Variants in STXBP6 observed in about 807,000 individuals in gnomAD.
STXBP6 encodes syntaxin binding protein 6, also known as syntaxin-binding protein 6.
Under a neutral mutation model 26.9 loss-of-function variants are expected in STXBP6, and 21 were observed. The observed-to-expected ratio is 0.78, with a 90% CI of 0.55 to 1.12. STXBP6 has a LOEUF of 1.12. STXBP6 is among the 50% of genes most tolerant of loss of function. STXBP6 has a pLI of 0.00. For missense variants in STXBP6, 232 were observed against 257.9 expected, an observed-to-expected ratio of 0.90 and a Z score of 0.69; for synonymous variants, 97 against 92.6, an observed-to-expected ratio of 1.05 and a Z score of -0.27.
chr14:24,924,868 A>C (rs2072107345), intron 2 of STXBP6, among the ~76,000 whole-genome samples: 1 of 152,216 alleles, frequency 6.6e-6, no homozygotes, highest in Non-Finnish European at 1.5e-5. Flanking sequence ...AGATAAGTTC[A>C]GGAAATTATC....
At chr14:24,819,375 A>G (rs1032740095) in intron 4 of STXBP6, 181 bp from the exon 5 acceptor site, 41 of 684,106 alleles carry the variant, frequency 6.0e-5, no homozygotes, top group Non-Finnish European at 1.0e-4. Context: ...CACTTGCAGC[A>G]AGAACACCCA....
At chr14:24,929,327 G>A (rs373808819) in intron 2 of STXBP6, among the ~76,000 whole-genome samples, 2 of 152,212 alleles carry the variant, frequency 1.3e-5, no homozygotes, top group African/African-American at 4.8e-5. Context: ...CATGCCTACA[G>A]AGAGCTGAAG....
At chr14:24,918,049 T>C (rs2071831113) in intron 2 of STXBP6, among the ~76,000 whole-genome samples, 1 of 151,994 alleles carries the variant, frequency 6.6e-6, no homozygotes, top group Non-Finnish European at 1.5e-5. Flanking sequence ...TGATGTAAGA[T>C]GTCCAGGATA....
chr14:24,973,480 G>A (rs2073961661), intron 2 of STXBP6, among the ~76,000 whole-genome samples: 2 of 150,060 alleles, frequency 1.3e-5, no homozygotes, highest in South Asian at 4.2e-4. Context: ...CTGCCTCCTG[G>A]GTTCAAGCAA....
intron 2 of STXBP6, among the ~76,000 whole-genome samples, chr14:24,931,128 AAAAAAAAAAAAAAAC>A (rs1304065603): frequency 4.6e-5 from 4 of 87,542 alleles, no homozygotes; most frequent in Middle Eastern, 4.8e-3. Context: ...AAAAAAAAAA[AAAAAAAAAAAAAAAC>A]CCAAACACCA....
At chr14:25,028,342 C>T (rs1043917590) in intron 1 of STXBP6, among the ~76,000 whole-genome samples, 1 of 152,118 alleles carries the variant, frequency 6.6e-6, no homozygotes, top group Admixed American at 6.5e-5. Flanking sequence ...TAAGTTGAAT[C>T]CAATGCTTAT....
chr14:24,857,329 C>A (rs544080901), intron 2 of STXBP6, among the ~76,000 whole-genome samples, 172 bp from the exon 3 acceptor site: 1 of 151,976 alleles, frequency 6.6e-6, no homozygotes, highest in African/African-American at 2.4e-5. Context: ...CAGGGGTGAA[C>A]GTAAAGGAAA....
At chr14:24,945,120 G>A (rs2072936129) in intron 2 of STXBP6, among the ~76,000 whole-genome samples, 1 of 116,616 alleles carries the variant, frequency 8.6e-6, no homozygotes, top group Non-Finnish European at 1.7e-5. Flanking sequence ...ACTTTGGCAT[G>A]TATATGAACC....
At chr14:24,847,986 G>A (rs1178249960) in intron 4 of STXBP6, among the ~76,000 whole-genome samples, 1 of 152,072 alleles carries the variant, frequency 6.6e-6, no homozygotes, top group African/African-American at 2.4e-5. Context: ...GTATAGCTCA[G>A]CTCATTCTCA....
chr14:25,049,053 T>G lies in STXBP6; in HGVS notation c.-33+825A>C. 1.6e-6 allele frequency: 1 copy of G among 638,880 alleles called. No individual in the cohort carries two copies. The highest frequency in any genetic ancestry group is 1.9e-6 in the Non-Finnish European group (1 of 513,136). 39.6% of individuals were successfully genotyped at this position (638,880 alleles called of 1,614,324 possible). A position where few individuals can be genotyped will look rare whatever the true frequency, so the allele number is the denominator to read the frequency against. ...TCCTGGGGCCAGAACCAAGGGCAGA[T>G]ACACCCCGGGGACTTTCTCCTAAAG... On this transcript the variant is annotated intron_variant, in intron 1 of 5. Coordinates refer to ENST00000323944, the MANE Select transcript of STXBP6 (RefSeq NM_001394410.1). The surrounding 1 kb of genome is among the most constrained non-coding windows in gnomAD (Gnocchi z 5.6).
chr14:24,840,561 T>C (rs1239255680), intron 4 of STXBP6, among the ~76,000 whole-genome samples: 2 of 152,220 alleles, frequency 1.3e-5, no homozygotes, highest in Non-Finnish European at 2.9e-5. Context: ...AAGGGATTAC[T>C]GACACACACT....
intron 2 of STXBP6, among the ~76,000 whole-genome samples, chr14:24,931,095 G>T (rs1057067623): frequency 1.8e-5 from 2 of 111,920 alleles, no homozygotes; most frequent in African/African-American, 7.3e-5. Flanking sequence ...TCCGGCCTGG[G>T]CGACAGAGCG....
At chr14:24,983,256 G>C (rs2074245930) in intron 1 of STXBP6, among the ~76,000 whole-genome samples, 1 of 152,144 alleles carries the variant, frequency 6.6e-6, no homozygotes, top group Non-Finnish European at 1.5e-5. Context: ...TCAACTTTTT[G>C]ACATTCCCCT....
chr14:24,946,298 T>C (rs1566499527), intron 2 of STXBP6, among the ~76,000 whole-genome samples: 2 of 152,168 alleles, frequency 1.3e-5, no homozygotes. Flanking sequence ...CTAACACTTA[T>C]TGATCATAGC....
intron 1 of STXBP6, among the ~76,000 whole-genome samples, chr14:25,013,465 TTCAC>T (rs1438448177): frequency 1.0e-5 from 1 of 100,018 alleles, no homozygotes; most frequent in African/African-American, 5.1e-5. Context: ...ACATCTCTCT[TTCAC>T]ACACACACAC....
At chr14:24,968,617 T>C (rs1373522905) in intron 2 of STXBP6, among the ~76,000 whole-genome samples, 3 of 152,160 alleles carry the variant, frequency 2.0e-5, no homozygotes, top group Non-Finnish European at 4.4e-5. Context: ...CTTCTCTACA[T>C]GACATACATG....
At chr14:25,016,380 T>C (rs1420842672) in intron 1 of STXBP6, among the ~76,000 whole-genome samples, 1 of 152,142 alleles carries the variant, frequency 6.6e-6, no homozygotes, top group Admixed American at 6.5e-5. Flanking sequence ...TAATCAGAAA[T>C]GGTACCAGAG....
chr14:24,890,791 C>G (rs915394419), intron 2 of STXBP6, among the ~76,000 whole-genome samples: 2 of 152,136 alleles, frequency 1.3e-5, no homozygotes, highest in African/African-American at 2.4e-5. Flanking sequence ...GCAGAGTTAG[C>G]CCCTATTTAT....
chr14:24,977,787 T>C (rs1317744494), intron 1 of STXBP6, among the ~76,000 whole-genome samples: 1 of 152,214 alleles, frequency 6.6e-6, no homozygotes, highest in Non-Finnish European at 1.5e-5. Context: ...CCAAAGGTAT[T>C]TGTAAAAGTG....
Sources: allele counts gnomAD v4.1 joint callset (sites outside exome capture counted in the v4.1 genomes callset), GRCh38; gene constraint gnomAD v4.1.1; non-coding constraint Gnocchi (gnomAD v3.1); transcripts MANE v1.5; gene names NCBI Gene and HGNC (gene_info 2026-07-23, HGNC 2026-07-21).